The following PTPRD variants were observed in gnomAD, a reference collection of about 807,000 sequenced individuals.
The protein encoded by PTPRD is receptor-type tyrosine-protein phosphatase delta.
In PTPRD, 34 loss-of-function variants were observed where a neutral mutation model predicts 214.5. The ratio of observed to expected loss-of-function variants is 0.16; its 90% CI spans 0.12 to 0.21. The LOEUF (loss-of-function observed/expected upper bound fraction) is 0.21, where lower values mean the gene tolerates loss of function less well. Ranked by LOEUF, PTPRD falls within the 10% of genes least tolerant of loss-of-function variation. The pLI is 1.00. For missense variants in PTPRD, 2,545 were observed against 2,398.7 expected, an observed-to-expected ratio of 1.06 and a Z score of -1.27; for synonymous variants, 1,128 against 845.7, an observed-to-expected ratio of 1.33 and a Z score of -5.79.
intron 2 of PTPRD, among the ~76,000 whole-genome samples, chr9:10,405,956 T>G (rs2154500916): frequency 6.6e-6 from 1 of 151,560 alleles, no homozygotes; most frequent in East Asian, 2.0e-4. Context: ...TTAAACTATA[T>G]CAATGTATAT....
chr9:9,235,094 A>G (rs2099965715), intron 9 of PTPRD, among the ~76,000 whole-genome samples: 1 of 152,212 alleles, frequency 6.6e-6, no homozygotes, highest in Admixed American at 6.5e-5. Context: ...GGGAGGCCTC[A>G]GGAAACTTAT....
chr9:8,571,834 G>A (rs1330444869), intron 14 of PTPRD, among the ~76,000 whole-genome samples: 2 of 152,032 alleles, frequency 1.3e-5, no homozygotes, highest in Non-Finnish European at 2.9e-5. Flanking sequence ...ATCTCCAAGA[G>A]CATGTTCTGA....
intron 5 of PTPRD, among the ~76,000 whole-genome samples, chr9:9,783,868 G>A (rs1413813517): frequency 7.1e-6 from 1 of 140,014 alleles, no homozygotes; most frequent in Non-Finnish European, 1.5e-5. Flanking sequence ...AGAGTAAAAT[G>A]AACCACAGTA....
intron 35 of PTPRD, among the ~76,000 whole-genome samples, chr9:8,432,024 C>G (rs1214184069): frequency 2.6e-5 from 4 of 152,176 alleles, no homozygotes; most frequent in African/African-American, 7.2e-5. Context: ...TTGGTCTATT[C>G]AGGGATTTGA....
chr9:10,484,113 G>A (rs1304570718), intron 2 of PTPRD, among the ~76,000 whole-genome samples: 5 of 151,998 alleles, frequency 3.3e-5, no homozygotes, highest in Non-Finnish European at 1.5e-5. Flanking sequence ...ATACTGCTTG[G>A]TCATAAAAAA....
chr9:9,709,506 A>T (rs2097687310), intron 7 of PTPRD, among the ~76,000 whole-genome samples: 1 of 152,024 alleles, frequency 6.6e-6, no homozygotes, highest in African/African-American at 2.4e-5. Flanking sequence ...ATTAGTATAA[A>T]ACAAGAAACA....
At chr9:8,903,146 CT>C (rs57429483) in intron 11 of PTPRD, among the ~76,000 whole-genome samples, 23,775 of 147,562 alleles carry the variant, frequency 0.16, 2,111 homozygotes, top group East Asian at 0.28. Flanking sequence ...CTATCTTATT[CT>C]TTTTTTTTTT....
intron 7 of PTPRD, among the ~76,000 whole-genome samples, chr9:9,697,917 A>G (rs913973543): frequency 6.6e-6 from 1 of 152,044 alleles, no homozygotes; most frequent in Non-Finnish European, 1.5e-5. Context: ...CCTCTACTTG[A>G]TCCATTCTGC....
intron 2 of PTPRD, among the ~76,000 whole-genome samples, chr9:10,489,844 C>A (rs2099155682): frequency 6.6e-6 from 1 of 152,160 alleles, no homozygotes; most frequent in Non-Finnish European, 1.5e-5. Flanking sequence ...CACAGAAACA[C>A]TCCATGCATA....
Position 9,656,011 on chromosome 9 carries a change from G to A in PTPRD, c.-287+78522C>T, listed in dbSNP as rs566641825. ...AAAATGAATAAATAATGGAAGATAA[G>A]CATATGAAAAGTTGCTCAACATCAT... On this transcript the variant is annotated intron_variant, in intron 7 of 45. Transcript: ENST00000381196. Among the ~76,000 whole-genome samples the A allele has an allele frequency of 2.0e-5, 3 of 152,172 alleles. No individual in the cohort carries two copies. In the South Asian group the frequency reaches 6.2e-4, roughly 32 times the overall value.
chr9:9,733,854 T>C (rs898952886), intron 7 of PTPRD, among the ~76,000 whole-genome samples: 1 of 152,104 alleles, frequency 6.6e-6, no homozygotes, highest in Non-Finnish European at 1.5e-5. Flanking sequence ...TGTATGAATG[T>C]GATAGTGAGC....
intron 9 of PTPRD, among the ~76,000 whole-genome samples, chr9:9,255,171 C>T (rs71497134): frequency 0.13 from 20,439 of 152,066 alleles, 1,635 homozygotes; most frequent in Middle Eastern, 0.24. Context: ...TAGTTCATTG[C>T]CACTGGAACA....
At chr9:8,547,344 A>T (rs973886682) in intron 14 of PTPRD, among the ~76,000 whole-genome samples, 1 of 152,212 alleles carries the variant, frequency 6.6e-6, no homozygotes, top group Non-Finnish European at 1.5e-5. Flanking sequence ...TAAAGGAAGA[A>T]AGAAATAAAG....
At chr9:9,763,441 T>C (rs532215751) in intron 6 of PTPRD, among the ~76,000 whole-genome samples, 26 of 146,350 alleles carry the variant, frequency 1.8e-4, no homozygotes, top group African/African-American at 6.4e-4. Context: ...TATTTCACAA[T>C]TTGTCCTGTT....
chr9:9,921,318 C>A (rs568376769), intron 5 of PTPRD, among the ~76,000 whole-genome samples: 51 of 152,016 alleles, frequency 3.4e-4, no homozygotes, highest in African/African-American at 1.2e-3. Context: ...CTGTTTAATA[C>A]ATAGTAAAAT....
At chr9:8,629,146 TGAC>T (rs1347361289) in intron 14 of PTPRD, among the ~76,000 whole-genome samples, 2 of 151,828 alleles carry the variant, frequency 1.3e-5, no homozygotes, top group Admixed American at 1.3e-4. Flanking sequence ...AGAAACATGA[TGAC>T]ATTTAGTAAG....
At chr9:9,015,801 G>A (rs1168513685) in intron 11 of PTPRD, among the ~76,000 whole-genome samples, 2 of 152,060 alleles carry the variant, frequency 1.3e-5, no homozygotes, top group Admixed American at 6.6e-5. Flanking sequence ...ATGTACATTT[G>A]GATATAATAA....
At chr9:9,552,099 T>C (rs1202769187) in intron 8 of PTPRD, among the ~76,000 whole-genome samples, 1 of 152,046 alleles carries the variant, frequency 6.6e-6, no homozygotes, top group Non-Finnish European at 1.5e-5. Context: ...TAATAGTCAA[T>C]ATTCATTTAC....
chr9:8,917,194 T>A (rs1402356626), intron 11 of PTPRD, among the ~76,000 whole-genome samples: 1 of 151,106 alleles, frequency 6.6e-6, no homozygotes, highest in Admixed American at 6.6e-5. Flanking sequence ...AGTGGTGTGC[T>A]CTCGGCTCGC....
Sources: gnomAD v4.1 joint callset for allele counts (sites outside exome capture counted in the v4.1 genomes callset) on GRCh38, gnomAD v4.1.1 for gene constraint, MANE v1.5 for transcripts, NCBI Gene and HGNC (gene_info 2026-07-23, HGNC 2026-07-21) for gene names.